Variants in KIDINS220 observed in about 807,000 individuals in gnomAD.
The protein encoded by KIDINS220 is kinase D interacting substrate 220.
In KIDINS220, 63 loss-of-function variants were observed where a neutral mutation model predicts 157.6. The observed-to-expected ratio is 0.40, with a 90% CI of 0.33 to 0.49. The LOEUF (loss-of-function observed/expected upper bound fraction) is 0.49, where lower values mean the gene tolerates loss of function less well. Among genes scored for constraint, KIDINS220 ranks in the 20% least tolerant of loss-of-function variants. The probability of loss-of-function intolerance (pLI) is 0.66; values close to 1 mark genes in which losing one functional copy is unlikely to be tolerated. For missense variants in KIDINS220, 1,772 were observed against 2,171.2 expected (o/e 0.82, Z 3.65); for synonymous variants, 732 against 783.6 (o/e 0.93, Z 1.10).
rs552034452 is a variant in KIDINS220 at position 8,754,990 on chromosome 2, T to C, written c.3012-3346A>G. ...ACTTCTAATAGACTCTCAAATACTT[T>C]CTACCAGTGAATGTCCATTTATTAA... is the stretch of plus-strand genomic sequence containing the variant. On this transcript the variant is annotated intron_variant, in intron 22 of 29. Transcript: ENST00000256707. Among the ~76,000 whole-genome samples, 7 of 152,354 alleles carry C rather than the reference T, an allele frequency of 4.6e-5. No homozygotes were observed. The South Asian group carries it at 1.4e-3, about 32-fold the overall frequency.
chr2:8,818,269 A>T (rs769457549), intron 3 of KIDINS220, among the ~76,000 whole-genome samples: 1 of 152,200 alleles, frequency 6.6e-6, no homozygotes, highest in Non-Finnish European at 1.5e-5. Flanking sequence ...AAATACAGGG[A>T]GAATCAGAGG....
chr2:8,734,780 G>A lies in KIDINS220; in HGVS notation c.3718-27C>T, dbSNP rs750095410. 21 of 1,470,628 alleles carry A rather than the reference G, an allele frequency of 1.4e-5. No individual in the cohort carries two copies. In the South Asian group the frequency reaches 2.1e-4, roughly 15 times the overall value. 91.1% of individuals were successfully genotyped at this position (1,470,628 alleles called of 1,614,324 possible). A position where few individuals can be genotyped will look rare whatever the true frequency, so the allele number is the denominator to read the frequency against. Reference sequence around the variant, plus strand: ...TGAGTAAAAATTAAAACAATTATGGGTATAAAGACAGAATGTGAAATATTC... The same window carrying A: ...TGAGTAAAAATTAAAACAATTATGGATATAAAGACAGAATGTGAAATATTC... On this transcript the variant is annotated intron_variant, in intron 27 of 29. Transcript: ENST00000256707.
intron 26 of KIDINS220, chr2:8,737,370 C>T (rs1665030269): frequency 6.0e-6 from 1 of 165,762 alleles, no homozygotes; most frequent in Non-Finnish European, 1.3e-5. Context: ...AGATGGAAAA[C>T]TACTGATGCC....
At chr2:8,830,954 C>G (rs1679531032) in intron 1 of KIDINS220, among the ~76,000 whole-genome samples, 1 of 152,174 alleles carries the variant, frequency 6.6e-6, no homozygotes, top group Non-Finnish European at 1.5e-5. Flanking sequence ...ACTACACCAT[C>G]TCTCACCCAG....
chr2:8,811,696 G>A (rs1433958579), intron 6 of KIDINS220, among the ~76,000 whole-genome samples: 1 of 152,006 alleles, frequency 6.6e-6, no homozygotes, highest in Non-Finnish European at 1.5e-5. Flanking sequence ...GAAAGCCAAC[G>A]AAGCTTTCCA....
At chr2:8,834,395 C>T (rs1400361139) in intron 1 of KIDINS220, among the ~76,000 whole-genome samples, 1 of 151,778 alleles carries the variant, frequency 6.6e-6, no homozygotes, top group South Asian at 2.1e-4. Context: ...TCTGTACATA[C>T]GTCACCTGAT....
At chr2:8,739,647 G>A (rs1393651028) in intron 26 of KIDINS220, among the ~76,000 whole-genome samples, 1 of 152,094 alleles carries the variant, frequency 6.6e-6, no homozygotes, top group East Asian at 1.9e-4. Flanking sequence ...ATATTACTTT[G>A]AGAATACACA....
chr2:8,725,728 A>G (rs931176646), downstream of KIDINS220: 5 of 152,252 alleles, frequency 3.3e-5, no homozygotes, highest in African/African-American at 1.2e-4. Flanking sequence ...ATCATGGATA[A>G]TCAAGGTGGT....
intron 22 of KIDINS220, among the ~76,000 whole-genome samples, chr2:8,762,896 G>C (rs146614300): frequency 1.6e-3 from 248 of 152,244 alleles, no homozygotes; most frequent in Middle Eastern, 6.8e-3. Context: ...ATTTTTTAAA[G>C]CTTTCCACAC....
chr2:8,751,807 C>T (rs964556492), intron 22 of KIDINS220, among the ~76,000 whole-genome samples, 163 bp from the exon 23 acceptor site: 2 of 151,992 alleles, frequency 1.3e-5, no homozygotes, highest in Admixed American at 6.6e-5. Context: ...CAGGTTCAAG[C>T]GATTCTCCTG....
chr2:8,774,854 C>T (rs1262144783), intron 21 of KIDINS220, among the ~76,000 whole-genome samples: 1 of 152,184 alleles, frequency 6.6e-6, no homozygotes, highest in Non-Finnish European at 1.5e-5. Context: ...AATAACATGA[C>T]TGGCTTCTAT....
At position 8,746,301 on chromosome 2, in the gene KIDINS220, T is replaced by A. The variant is rs369575099; in HGVS notation, c.3585+844A>T. On this transcript the variant is annotated intron_variant, in intron 26 of 29. Coordinates refer to ENST00000256707, the MANE Select transcript of KIDINS220 (RefSeq NM_020738.4). The stretch of plus-strand genomic sequence containing the variant: ...TATTTTCTTTAGTAGAGATAGGGTT[T>A]CACCATGTTGGCCAGGCTGGTCTTG... Among the ~76,000 whole-genome samples, 12 of 151,986 alleles carry A rather than the reference T, an allele frequency of 7.9e-5. No individual in the cohort carries two copies. The East Asian group carries it at 1.6e-3, about 20-fold the overall frequency.
chr2:8,744,389 AT>A (rs1180432669), intron 26 of KIDINS220, among the ~76,000 whole-genome samples: 639 of 27,860 alleles, frequency 0.023, 85 homozygotes, highest in East Asian at 0.056. Context: ...AAAAAAAAAA[AT>A]ATATATATAT....
chr2:8,785,265 T>A (rs1572647287), intron 17 of KIDINS220, among the ~76,000 whole-genome samples: 1 of 151,572 alleles, frequency 6.6e-6, no homozygotes, highest in Admixed American at 6.6e-5. Context: ...GAGGGAGGGG[T>A]GAACAGGTGT....
intron 17 of KIDINS220, among the ~76,000 whole-genome samples, chr2:8,781,153 A>ATATATATATATAATATATAT (rs70946383): frequency 3.1e-4 from 41 of 130,390 alleles, no homozygotes; most frequent in African/African-American, 9.1e-4. Flanking sequence ...ATATATATAT[A>ATATATATATATAATATATAT]ATATATATAT....
chr2:8,830,607 T>A (rs974610932), intron 1 of KIDINS220, among the ~76,000 whole-genome samples: 1 of 152,128 alleles, frequency 6.6e-6, no homozygotes, highest in African/African-American at 2.4e-5. Flanking sequence ...TTTGTAGAAA[T>A]GAAGTTTCAC....
At chr2:8,799,803 C>T (rs189652829) in intron 9 of KIDINS220, among the ~76,000 whole-genome samples, 9 of 152,262 alleles carry the variant, frequency 5.9e-5, no homozygotes, top group East Asian at 5.8e-4. Flanking sequence ...AAAATGAAGA[C>T]GCCAAGAACT....
intron 13 of KIDINS220, 137 bp downstream of exon 13, chr2:8,790,923 A>C (rs1164883081): frequency 6.2e-6 from 4 of 640,012 alleles, no homozygotes; most frequent in African/African-American, 5.6e-5. Flanking sequence ...TGAAGGACCA[A>C]CCAGAGGGGA....
chr2:8,780,572 T>C (rs1312095284), intron 17 of KIDINS220, among the ~76,000 whole-genome samples: 1 of 151,632 alleles, frequency 6.6e-6, no homozygotes, highest in Non-Finnish European at 1.5e-5. Flanking sequence ...GTGTATAATG[T>C]ACATATTATG....
Sources: gnomAD v4.1 joint callset for allele counts (sites outside exome capture counted in the v4.1 genomes callset) on GRCh38, gnomAD v4.1.1 for gene constraint, MANE v1.5 for transcripts, NCBI Gene and HGNC (gene_info 2026-07-23, HGNC 2026-07-21) for gene names.